ARHGEF4: variants seen among roughly 807,000 people sequenced by gnomAD.
ARHGEF4 encodes the protein APC-stimulated guanine nucleotide exchange factor 1.
ARHGEF4 carries 119 observed loss-of-function variants against 162.0 expected under a neutral mutation model. The observed-to-expected ratio is 0.73, with a 90% CI of 0.63 to 0.86. The LOEUF is 0.86. Among genes scored for constraint, ARHGEF4 ranks in the 40% least tolerant of loss-of-function variants. The pLI is 0.00. For missense variants in ARHGEF4, 2,488 were observed against 2,456.0 expected, an observed-to-expected ratio of 1.01 and a Z score of -0.28; for synonymous variants, 1,014 against 979.9, an observed-to-expected ratio of 1.03 and a Z score of -0.65.
chr2:130,888,962 G>C (rs58289687), intron 1 of ARHGEF4, among the ~76,000 whole-genome samples: 3 of 151,588 alleles, frequency 2.0e-5, no homozygotes, highest in Admixed American at 2.0e-4. Flanking sequence ...AAAATTAGCC[G>C]GGCATGGTGG....
At chr2:131,037,148 C>T (rs1384127596) in intron 5 of ARHGEF4, among the ~76,000 whole-genome samples, 1 of 152,200 alleles carries the variant, frequency 6.6e-6, no homozygotes, top group Non-Finnish European at 1.5e-5. Context: ...GCAGCCCCCG[C>T]GTGGCTGCCG....
chr2:131,043,577 T>C lies in ARHGEF4; in HGVS notation c.5151T>C (p.Cys1717=). The C allele has an allele frequency of 1.2e-6, 2 of 1,613,960 alleles. No homozygotes were observed. The highest frequency in any genetic ancestry group is 1.7e-6 in the Non-Finnish European group (2 of 1,179,976). Residue 1717 remains cysteine, a synonymous_variant, in exon 11 of 14, where the codon TGT becomes TGC. Coordinates refer to ENST00000409359, the MANE Select transcript of ARHGEF4 (RefSeq NM_001367493.1). The stretch of plus-strand genomic sequence containing the variant: ...TCTTTGACCACCAGCTCATCTACTG[T>C]AAGAAGGTACCAGAGCTGCTCTGCC... ...FFLFDHQLIY[C]KKDLLRRDVL...
At chr2:130,977,133 GTC>G (rs1260199273) in intron 4 of ARHGEF4, among the ~76,000 whole-genome samples, 1 of 151,684 alleles carries the variant, frequency 6.6e-6, no homozygotes, top group Non-Finnish European at 1.5e-5. Flanking sequence ...TTTGTGTGAT[GTC>G]TGTGTATGTT....
At chr2:131,003,410 C>G (rs991872193) in intron 4 of ARHGEF4, among the ~76,000 whole-genome samples, 5 of 152,232 alleles carry the variant, frequency 3.3e-5, no homozygotes, top group Admixed American at 3.3e-4. Context: ...TGACACGCAT[C>G]TCTCGTCATT....
intron 3 of ARHGEF4, among the ~76,000 whole-genome samples, chr2:130,935,693 T>C (rs892749026): frequency 1.3e-5 from 2 of 152,244 alleles, no homozygotes; most frequent in African/African-American, 2.4e-5. Context: ...TTCCATATAT[T>C]TGTGAATTTT....
At chr2:130,890,486 C>T (rs1363556180) in intron 1 of ARHGEF4, among the ~76,000 whole-genome samples, 2 of 151,700 alleles carry the variant, frequency 1.3e-5, no homozygotes, top group East Asian at 3.9e-4. Context: ...TGCTTGAAAC[C>T]GGGAGGCTAT....
At chr2:130,886,424 A>G (rs546128041) in intron 1 of ARHGEF4, among the ~76,000 whole-genome samples, 42 of 151,982 alleles carry the variant, frequency 2.8e-4, no homozygotes, top group Non-Finnish European at 5.4e-4. Flanking sequence ...TCATGCCTGT[A>G]ATCCCAGCAC....
chr2:130,851,753 G>A (rs913027467), intron 1 of ARHGEF4, among the ~76,000 whole-genome samples: 23 of 152,312 alleles, frequency 1.5e-4, no homozygotes, highest in African/African-American at 5.3e-4. Context: ...CAACCCTCCC[G>A]GGGCCTCCAT....
intron 4 of ARHGEF4, among the ~76,000 whole-genome samples, chr2:130,966,019 C>T (rs1427951808): frequency 6.6e-6 from 1 of 152,082 alleles, no homozygotes; most frequent in Non-Finnish European, 1.5e-5. Flanking sequence ...GACCCAGAAA[C>T]GAATGTTGTG....
chr2:131,008,491 TTCTTTTAAATGGAGTATTTAG>T lies in ARHGEF4; in HGVS notation c.3986-19451_3986-19431del, dbSNP rs569487051. ...GAACATTACCATCACAACAGTCTCT[TTCTTTTAAATGGAGTATTTAG>T]TCCATTAACTTTTAATGTGATTATT... On this transcript the variant is annotated intron_variant, in intron 4 of 13. Transcript: ENST00000409359. Among the ~76,000 whole-genome samples, 5 of 152,312 alleles carry T rather than the reference TTCTTTTAAATGGAGTATTTAG, an allele frequency of 3.3e-5. No individual in the cohort carries two copies. In the South Asian group the frequency reaches 1.0e-3, roughly 32 times the overall value.
chr2:130,837,016 G>C, intron 1 of ARHGEF4, 24 bp downstream of exon 1: 1 of 1,226,954 alleles, frequency 8.2e-7, no homozygotes, highest in Non-Finnish European at 1.0e-6. Flanking sequence ...TCCGGGACTT[G>C]CGGTCGGGCT....
intron 6 of ARHGEF4, chr2:131,039,487 C>T: frequency 9.8e-7 from 1 of 1,024,456 alleles, no homozygotes; most frequent in African/African-American, 1.7e-5. Flanking sequence ...CTCCAGTCTT[C>T]AAGGAAGGAA....
At chr2:131,029,456 C>T (rs1424759086) in intron 5 of ARHGEF4, among the ~76,000 whole-genome samples, 1 of 152,088 alleles carries the variant, frequency 6.6e-6, no homozygotes, top group African/African-American at 2.4e-5. Flanking sequence ...CAAAACCTTT[C>T]TTTTTAAGTG....
chr2:131,016,181 G>A (rs548343996), intron 4 of ARHGEF4, among the ~76,000 whole-genome samples: 3 of 151,952 alleles, frequency 2.0e-5, no homozygotes, highest in African/African-American at 7.3e-5. Context: ...ACCTCCCAAC[G>A]TGCCCCACCA....
chr2:130,882,828 G>A (rs1052872714), intron 1 of ARHGEF4, among the ~76,000 whole-genome samples: 12 of 151,934 alleles, frequency 7.9e-5, no homozygotes, highest in East Asian at 1.9e-4. Flanking sequence ...TTTGCACCCC[G>A]TCAAGCAGAT....
chr2:130,997,355 G>T (rs1341348682), intron 4 of ARHGEF4, among the ~76,000 whole-genome samples: 3 of 152,166 alleles, frequency 2.0e-5, no homozygotes, highest in African/African-American at 7.2e-5. Context: ...CTCATAGTTT[G>T]ATGCTTTTGT....
At chr2:130,987,039 C>T (rs558770277) in intron 4 of ARHGEF4, among the ~76,000 whole-genome samples, 1 of 152,228 alleles carries the variant, frequency 6.6e-6, no homozygotes, top group Non-Finnish European at 1.5e-5. Flanking sequence ...CTGCAGCAGC[C>T]TCTTGAGTGC....
chr2:130,873,299 A>G (rs958977739), intron 1 of ARHGEF4, among the ~76,000 whole-genome samples: 3 of 152,180 alleles, frequency 2.0e-5, no homozygotes, highest in Non-Finnish European at 2.9e-5. Flanking sequence ...CTTATGAAGG[A>G]AGAAAATAGG....
In ARHGEF4 at chr2:130,897,483, G is replaced by A. The variant is rs578044782; in HGVS notation, c.40-16503G>A. Among the ~76,000 whole-genome samples, 8 of 152,338 alleles carry A rather than the reference G, an allele frequency of 5.3e-5. No individual in the cohort carries two copies. The East Asian group carries it at 1.2e-3, about 22-fold the overall frequency. On this transcript the variant is annotated intron_variant, in intron 1 of 13. Coordinates refer to ENST00000409359, the MANE Select transcript of ARHGEF4 (RefSeq NM_001367493.1). ...CAACACCAAGGACTGGCTTCCGGGG[G>A]TAATGTGGGGCCTGGCGGGACACCA...
Sources: gnomAD v4.1 joint callset for allele counts (sites outside exome capture counted in the v4.1 genomes callset) on GRCh38, gnomAD v4.1.1 for gene constraint, MANE v1.5 for transcripts, NCBI Gene and HGNC (gene_info 2026-07-23, HGNC 2026-07-21) for gene names.